GC: variants seen among roughly 807,000 people sequenced by gnomAD.
GC encodes the protein vitamin D-binding protein.
Under a neutral mutation model 56.7 loss-of-function variants are expected in GC, and 43 were observed. The observed-to-expected ratio is 0.76, with a 90% CI of 0.59 to 0.98. The LOEUF is 0.98. GC is among the 50% of genes least tolerant of loss of function. The pLI, the probability that GC is intolerant of heterozygous loss-of-function variation, is 0.00. For synonymous variants in GC, 216 were observed against 202.7 expected (o/e 1.07, Z -0.56); for missense variants, 529 against 545.9 (o/e 0.97, Z 0.31).
At chr4:71,747,738 A>G (rs1205795963) in intron 11 of GC, among the ~76,000 whole-genome samples, 1 of 152,108 alleles carries the variant, frequency 6.6e-6, no homozygotes, top group African/African-American at 2.4e-5. Context: ...AGAAAGAAAT[A>G]TAGCTAGAGA....
At chr4:71,777,965 C>T (rs1185127238) in intron 1 of GC, among the ~76,000 whole-genome samples, 2 of 151,294 alleles carry the variant, frequency 1.3e-5, no homozygotes, top group African/African-American at 4.9e-5. Flanking sequence ...AGCAAACCAC[C>T]ATGGAACATG....
chr4:71,744,286 C>CG (rs1553946134), intron 12 of GC, among the ~76,000 whole-genome samples: 6 of 83,590 alleles, frequency 7.2e-5, no homozygotes, highest in African/African-American at 2.2e-4. Context: ...ACTAAAAATA[C>CG]AAAAAAAAAA....
intron 1 of GC, 50 bp downstream of exon 1, chr4:71,783,911 A>G (rs748432589): frequency 1.1e-5 from 16 of 1,398,436 alleles, no homozygotes; most frequent in Non-Finnish European, 1.6e-5. Context: ...ATAATATAAA[A>G]TTAAACTAGT....
At chr4:71,781,835 A>G (rs932152427) in intron 1 of GC, among the ~76,000 whole-genome samples, 1 of 151,824 alleles carries the variant, frequency 6.6e-6, no homozygotes, top group African/African-American at 2.4e-5. Flanking sequence ...AAGATTCCCA[A>G]TGCTGTTTGA....
upstream of GC, among the ~76,000 whole-genome samples, chr4:71,785,638 C>T (rs1317532057): frequency 6.6e-6 from 1 of 151,744 alleles, no homozygotes; most frequent in African/African-American, 2.4e-5. Context: ...AAGGAGATAG[C>T]TTTCCTGTCC....
chr4:71,763,950 A>T lies in GC; in HGVS notation c.474-14T>A. On this transcript the variant is annotated splice_polypyrimidine_tract_variant and intron_variant, in intron 4 of 12. Coordinates refer to ENST00000273951, the MANE Select transcript of GC (RefSeq NM_000583.4). ...TCCCACATAAATCTGTGGAGGAAAA[A>T]ATAGAATTGGTCAAAAAATTTGTGA... The T allele has an allele frequency of 6.2e-7, 1 of 1,604,488 alleles. No individual in the cohort carries two copies. Among genetic ancestry groups the T allele is most frequent in the South Asian group, 1.1e-5 (1 of 90,574 alleles).
intron 1 of GC, among the ~76,000 whole-genome samples, chr4:71,774,141 C>T (rs1036430467): frequency 6.6e-6 from 1 of 151,876 alleles, no homozygotes; most frequent in Admixed American, 6.6e-5. Flanking sequence ...AATACTAAAC[C>T]CAGAGACCCA....
intron 1 of GC, among the ~76,000 whole-genome samples, chr4:71,796,966 A>C (rs1452846755): frequency 6.6e-6 from 1 of 152,232 alleles, no homozygotes; most frequent in Admixed American, 6.5e-5. Context: ...GGTCCACTCC[A>C]GACCCTGTTT....
At chr4:71,758,012 TG>T in intron 7 of GC, 29 bp downstream of exon 7, 1 of 1,602,244 alleles carries the variant, frequency 6.2e-7, no homozygotes, top group Admixed American at 1.7e-5. Flanking sequence ...ACCTGGCACA[TG>T]GTGATAATGA....
chr4:71,793,611 T>G (rs536161731), intron 1 of GC, among the ~76,000 whole-genome samples: 5 of 152,160 alleles, frequency 3.3e-5, no homozygotes, highest in Non-Finnish European at 7.3e-5. Flanking sequence ...ACAGGGACAA[T>G]TTGACTTCCT....
At chr4:71,749,005 T>C (rs891254407) in intron 11 of GC, among the ~76,000 whole-genome samples, 18 of 152,076 alleles carry the variant, frequency 1.2e-4, no homozygotes, top group African/African-American at 4.3e-4. Context: ...ACGTTAGGCA[T>C]TGGAAATTAA....
chr4:71,803,913 T>G, intron 1 of GC: 3 of 1,460,774 alleles, frequency 2.1e-6, no homozygotes, highest in Non-Finnish European at 2.8e-6. Flanking sequence ...TATTTGGAAT[T>G]AGAACGCAGT....
At chr4:71,756,976 A>G in intron 7 of GC, 62 bp from the exon 8 acceptor site, 1 of 1,117,574 alleles carries the variant, frequency 8.9e-7, no homozygotes, top group Non-Finnish European at 1.4e-6. Flanking sequence ...TAAAAATAAG[A>G]ATTACATAGG....
chr4:71,747,672 G>C (rs1310762105), intron 11 of GC, among the ~76,000 whole-genome samples: 1 of 152,156 alleles, frequency 6.6e-6, no homozygotes, highest in Non-Finnish European at 1.5e-5. Context: ...ATTAATAAGA[G>C]GTGTGAGGAG....
chr4:71,783,901 A>G, intron 1 of GC, 60 bp downstream of exon 1: 1 of 1,249,012 alleles, frequency 8.0e-7, no homozygotes, highest in Non-Finnish European at 1.1e-6. Flanking sequence ...TTTTTAAGTG[A>G]TAATATAAAA....
intron 1 of GC, among the ~76,000 whole-genome samples, chr4:71,775,599 G>A (rs1742484132): frequency 6.6e-6 from 1 of 151,816 alleles, no homozygotes; most frequent in African/African-American, 2.4e-5. Context: ...TAGGCAATGA[G>A]TTTTTTGGAC....
intron 10 of GC, among the ~76,000 whole-genome samples, chr4:71,753,418 T>C (rs1293474863): frequency 3.3e-5 from 5 of 151,286 alleles, no homozygotes; most frequent in Admixed American, 2.6e-4. Context: ...CATAAAAGCA[T>C]TGTTGAAACA....
At chr4:71,782,570 A>C (rs1372991137) in intron 1 of GC, among the ~76,000 whole-genome samples, 1 of 151,796 alleles carries the variant, frequency 6.6e-6, no homozygotes, top group Non-Finnish European at 1.5e-5. Context: ...GAGAATGTTG[A>C]AATATAGATT....
chr4:71,779,085 A>G (rs1044446179), intron 1 of GC, among the ~76,000 whole-genome samples: 4 of 151,684 alleles, frequency 2.6e-5, no homozygotes, highest in Admixed American at 1.3e-4. Flanking sequence ...TCTTTAAGGA[A>G]CCTGAGTCTG....
Sources: gnomAD v4.1 joint callset for allele counts (sites outside exome capture counted in the v4.1 genomes callset) on GRCh38, gnomAD v4.1.1 for gene constraint, MANE v1.5 for transcripts, NCBI Gene and HGNC (gene_info 2026-07-23, HGNC 2026-07-21) for gene names.